CHD9: variants seen among roughly 807,000 people sequenced by gnomAD.
CHD9 encodes ATP-dependent chromatin remodeler CHD9.
In CHD9, 77 loss-of-function variants were observed where a neutral mutation model predicts 316.1. The ratio of observed to expected loss-of-function variants is 0.24; its 90% CI spans 0.20 to 0.29. The LOEUF is 0.29. CHD9 is among the 10% of genes least tolerant of loss of function. CHD9 has a pLI of 1.00. For synonymous variants in CHD9, 1,129 were observed against 1,158.3 expected (o/e 0.97, Z 0.51); for missense variants, 2,763 against 3,438.1 (o/e 0.80, Z 4.91).
At chr16:53,189,278 A>G (rs1395371012) in intron 2 of CHD9, among the ~76,000 whole-genome samples, 3 of 152,086 alleles carry the variant, frequency 2.0e-5, no homozygotes, top group African/African-American at 7.2e-5. Flanking sequence ...ACCATTAAGT[A>G]CTGTATGATG....
intron 15 of CHD9, 115 bp from the exon 16 acceptor site, chr16:53,247,178 A>G (rs780065488): frequency 1.1e-5 from 8 of 705,042 alleles, no homozygotes; most frequent in Non-Finnish European, 1.9e-5. Flanking sequence ...TGTACATGCC[A>G]TTAGAAAATT....
chr16:53,243,895 A>G (rs1305145916), intron 13 of CHD9, among the ~76,000 whole-genome samples: 2 of 152,152 alleles, frequency 1.3e-5, no homozygotes, highest in African/African-American at 4.8e-5. Context: ...AATACAAAGA[A>G]CCACATTCTG....
At chr16:53,055,692 C>T (rs12917995) in intron 1 of CHD9, among the ~76,000 whole-genome samples, 91,204 of 151,882 alleles carry the variant, frequency 0.6, 27,841 homozygotes, top group Non-Finnish European at 0.64. Flanking sequence ...CTCCAGTTCG[C>T]CCTCCTCCTC....
At chr16:53,060,612 G>C (rs1011778859) in intron 1 of CHD9, among the ~76,000 whole-genome samples, 2 of 151,990 alleles carry the variant, frequency 1.3e-5, no homozygotes, top group Non-Finnish European at 2.9e-5. Context: ...TGAAAAATTA[G>C]CCAGGTGTGG....
chr16:53,319,918 A>G (rs2057149570), intron 37 of CHD9: 2 of 930,580 alleles, frequency 2.1e-6, no homozygotes, highest in Non-Finnish European at 2.8e-6. Flanking sequence ...AGGAGATAAT[A>G]AAAAAGAGAA....
At chr16:53,155,549 A>G (rs2041459558) in intron 1 of CHD9, among the ~76,000 whole-genome samples, 1 of 152,192 alleles carries the variant, frequency 6.6e-6, no homozygotes, top group Non-Finnish European at 1.5e-5. Flanking sequence ...TATAATTCAG[A>G]TACCATACAA....
chr16:53,275,361 T>C (rs1372027784), intron 24 of CHD9, among the ~76,000 whole-genome samples: 1 of 152,170 alleles, frequency 6.6e-6, no homozygotes, highest in Non-Finnish European at 1.5e-5. Context: ...GACCAATTCA[T>C]TCATTCCTAC....
chr16:53,216,678 A>G (rs909245411), intron 3 of CHD9, among the ~76,000 whole-genome samples: 5 of 152,184 alleles, frequency 3.3e-5, no homozygotes, highest in Admixed American at 6.5e-5. Flanking sequence ...TTCTATAAAT[A>G]TAAAATAGTT....
rs991157060 is a variant in CHD9, at chr16:53,275,922, T to C, written c.4967+1620T>C. On this transcript the variant is annotated intron_variant, in intron 24 of 38. Transcript: ENST00000447540. ...TCTTTTTCTCCCCACTACAGCCGCATAATCACCTGGTCATACAGTTGATCT... is the reference window on the plus strand; with the variant it reads ...TCTTTTTCTCCCCACTACAGCCGCACAATCACCTGGTCATACAGTTGATCT... Among the ~76,000 whole-genome samples, 5 of 152,312 alleles carry C rather than the reference T, an allele frequency of 3.3e-5. No individual in the cohort carries two copies. The East Asian group carries it at 7.7e-4, about 24-fold the overall frequency.
intron 2 of CHD9, among the ~76,000 whole-genome samples, chr16:53,206,810 G>A (rs545062069): frequency 6.6e-6 from 1 of 152,168 alleles, no homozygotes; most frequent in African/African-American, 2.4e-5. Context: ...TCTCTCATTA[G>A]CCAGCCCCTT....
intron 1 of CHD9, among the ~76,000 whole-genome samples, chr16:53,130,382 G>C (rs1050370690): frequency 6.6e-6 from 1 of 152,010 alleles, no homozygotes; most frequent in African/African-American, 2.4e-5. Context: ...AGCTGCCCGA[G>C]AGATGCCCTG....
At chr16:53,097,169 A>G (rs2152563439) in intron 1 of CHD9, among the ~76,000 whole-genome samples, 1 of 118,490 alleles carries the variant, frequency 8.4e-6, no homozygotes, top group Non-Finnish European at 1.7e-5. Context: ...CTTATCAAGT[A>G]TATTTAAATA....
At chr16:53,257,578 T>A (rs574002248) in intron 19 of CHD9, among the ~76,000 whole-genome samples, 1 of 152,250 alleles carries the variant, frequency 6.6e-6, no homozygotes, top group Non-Finnish European at 1.5e-5. Flanking sequence ...TTGAAGATTT[T>A]TTGCTTAAGT....
intron 2 of CHD9, among the ~76,000 whole-genome samples, chr16:53,201,110 T>C (rs1251939903): frequency 6.6e-6 from 1 of 152,194 alleles, no homozygotes. Flanking sequence ...ACCCATGCCC[T>C]TAATCACAAT....
chr16:53,060,172 C>A (rs1034380798), intron 1 of CHD9, among the ~76,000 whole-genome samples: 1 of 151,902 alleles, frequency 6.6e-6, no homozygotes, highest in Non-Finnish European at 1.5e-5. Context: ...AGCAAGACCC[C>A]CATCTCTACA....
intron 2 of CHD9, among the ~76,000 whole-genome samples, chr16:53,191,364 A>G (rs2044468528): frequency 6.6e-6 from 1 of 152,162 alleles, no homozygotes; most frequent in Admixed American, 6.5e-5. Context: ...TGACAGATAT[A>G]TACATATAAG....
chr16:53,253,663 A>C (rs2050317239), intron 17 of CHD9, among the ~76,000 whole-genome samples: 2 of 152,162 alleles, frequency 1.3e-5, no homozygotes, highest in South Asian at 4.1e-4. Context: ...TTAGAAATTT[A>C]GCGTTAGACT....
At chr16:53,164,265 A>G (rs1377223044) in intron 2 of CHD9, among the ~76,000 whole-genome samples, 1 of 152,172 alleles carries the variant, frequency 6.6e-6, no homozygotes, top group Non-Finnish European at 1.5e-5. Flanking sequence ...CCAATGCCAA[A>G]AGAAAACAAA....
Position 53,235,202 on chromosome 16 carries a change from T to C in CHD9, c.2529T>C (p.Asn843=). 1 of 1,556,508 alleles carries C rather than the reference T, an allele frequency of 6.4e-7. No homozygotes were observed. The highest frequency in any genetic ancestry group is 8.7e-7 in the Non-Finnish European group (1 of 1,148,112). ...CCACAAAGGACCGTCCTCCTTCTAA[T>C]ATTTGGAAGAAAATAGATCAATCCA... The part of the protein sequence containing the change: ...DTRRLDRPPS[N]IWKKIDQSRD... Residue 843 remains asparagine, a synonymous_variant, in exon 11 of 39, where the codon AAT becomes AAC. Transcript: ENST00000447540.
Sources: gnomAD v4.1 joint callset for allele counts (sites outside exome capture counted in the v4.1 genomes callset) on GRCh38, gnomAD v4.1.1 for gene constraint, MANE v1.5 for transcripts, NCBI Gene and HGNC (gene_info 2026-07-23, HGNC 2026-07-21) for gene names.